Variants in TNR observed in about 807,000 individuals in gnomAD.
TNR encodes tenascin R, also known as tenascin-R.
A neutral mutation model predicts 150.4 loss-of-function variants in TNR; 45 were observed. The observed-to-expected ratio is 0.30, with a 90% CI of 0.24 to 0.38. The LOEUF (loss-of-function observed/expected upper bound fraction) is 0.38, where lower values mean the gene tolerates loss of function less well. TNR is among the 10% of genes least tolerant of loss of function. TNR has a pLI of 1.00. For synonymous variants in TNR, 687 were observed against 678.4 expected (o/e 1.01, Z -0.20); for missense variants, 1,544 against 1,759.1 (o/e 0.88, Z 2.19).
At chr1:175,531,092 T>C (rs57184783) in intron 1 of TNR, among the ~76,000 whole-genome samples, 7 of 152,346 alleles carry the variant, frequency 4.6e-5, no homozygotes, top group African/African-American at 1.7e-4. Context: ...GTGGGGTTTC[T>C]GTATTCCAGT....
chr1:175,684,438 G>A (rs945105900), intron 1 of TNR, among the ~76,000 whole-genome samples: 91 of 152,216 alleles, frequency 6.0e-4, no homozygotes, highest in African/African-American at 2.1e-3. Context: ...GCATCAATTA[G>A]GACTATAAAA....
At chr1:175,392,640 T>C (rs961432541) in intron 6 of TNR, among the ~76,000 whole-genome samples, 2 of 152,220 alleles carry the variant, frequency 1.3e-5, no homozygotes, top group Non-Finnish European at 2.9e-5. Flanking sequence ...CACATTTGTA[T>C]AGATGTCTGT....
intron 1 of TNR, among the ~76,000 whole-genome samples, chr1:175,542,680 G>A (rs557977410): frequency 6.6e-6 from 1 of 152,162 alleles, no homozygotes; most frequent in Non-Finnish European, 1.5e-5. Flanking sequence ...TGCTTTTGAT[G>A]AGACAACTTA....
chr1:175,641,297 GAGA>G (rs1664650125), intron 1 of TNR, among the ~76,000 whole-genome samples: 1 of 152,104 alleles, frequency 6.6e-6, no homozygotes, highest in African/African-American at 2.4e-5. Context: ...CAGGGTTGGA[GAGA>G]AGGAGGGGAA....
intron 2 of TNR, among the ~76,000 whole-genome samples, chr1:175,460,090 G>C (rs1347355595): frequency 2.0e-5 from 3 of 152,194 alleles, no homozygotes; most frequent in African/African-American, 7.2e-5. Context: ...AACATTTGCT[G>C]TCATGTCAGA....
chr1:175,399,714 C>G (rs1487216866), intron 4 of TNR, among the ~76,000 whole-genome samples: 1 of 152,166 alleles, frequency 6.6e-6, no homozygotes, highest in East Asian at 1.9e-4. Flanking sequence ...CTTAGCCTTA[C>G]TTTCTTTGGG....
chr1:175,695,935 T>C (rs932236693), intron 1 of TNR, among the ~76,000 whole-genome samples: 2 of 152,090 alleles, frequency 1.3e-5, no homozygotes, highest in African/African-American at 4.8e-5. Flanking sequence ...GAATACATAA[T>C]TGTTGGATGG....
At chr1:175,456,964 G>A (rs2102100153) in intron 2 of TNR, among the ~76,000 whole-genome samples, 1 of 152,240 alleles carries the variant, frequency 6.6e-6, no homozygotes, top group East Asian at 1.9e-4. Flanking sequence ...GCTGTGGGGG[G>A]CATTTCAATC....
At chr1:175,739,351 C>T (rs1217172207) in intron 1 of TNR, among the ~76,000 whole-genome samples, 1 of 152,132 alleles carries the variant, frequency 6.6e-6, no homozygotes, top group Non-Finnish European at 1.5e-5. Flanking sequence ...GTGGAAGACC[C>T]TATGTACAAA....
intron 4 of TNR, among the ~76,000 whole-genome samples, chr1:175,402,078 C>A (rs1016422839): frequency 2.0e-5 from 3 of 151,834 alleles, no homozygotes. Context: ...GAGGCCGAGG[C>A]GGGCGGATCA....
At chr1:175,590,050 C>A (rs1454145114) in intron 1 of TNR, among the ~76,000 whole-genome samples, 1 of 152,098 alleles carries the variant, frequency 6.6e-6, no homozygotes, top group Non-Finnish European at 1.5e-5. Flanking sequence ...TTGCCTCAGA[C>A]CCTAGTATGA....
rs1319049587 is a variant in TNR, at chr1:175,317,174, A to G, written c.*6183T>C. On this transcript the variant is annotated 3_prime_UTR_variant, in exon 23 of 23. Coordinates refer to ENST00000367674, the MANE Select transcript of TNR (RefSeq NM_003285.3). ...ATATATGTAAAGCCCTTTGCACAGT[A>G]TCTGGTAAATAGTGGGTATGCAATA... The G allele has an allele frequency of 6.6e-6, 1 of 152,236 alleles. No individual in the cohort carries two copies. The highest frequency in any genetic ancestry group is 1.5e-5 in the Non-Finnish European group (1 of 68,042). The allele number at this position is 152,236 out of a possible 1,614,324, so 9.4% of individuals were successfully genotyped here. A position where few individuals can be genotyped will look rare whatever the true frequency, so the allele number is the denominator to read the frequency against.
chr1:175,706,004 GACA>G (rs1308717772), intron 1 of TNR, among the ~76,000 whole-genome samples: 3 of 152,162 alleles, frequency 2.0e-5, no homozygotes, highest in African/African-American at 7.2e-5. Context: ...AGCCAGAGAA[GACA>G]ACAAGGGGAA....
intron 2 of TNR, among the ~76,000 whole-genome samples, chr1:175,446,295 T>C (rs1204280668): frequency 6.6e-6 from 1 of 152,226 alleles, no homozygotes; most frequent in Non-Finnish European, 1.5e-5. Context: ...GGCTCTGACC[T>C]GGCTCTGTAC....
At chr1:175,707,678 A>C (rs1288020872) in intron 1 of TNR, among the ~76,000 whole-genome samples, 2 of 152,168 alleles carry the variant, frequency 1.3e-5, no homozygotes, top group Non-Finnish European at 2.9e-5. Context: ...TTAAAACCCA[A>C]CTTGTTCAAA....
chr1:175,670,870 A>C (rs1665677854), intron 1 of TNR, among the ~76,000 whole-genome samples: 1 of 152,192 alleles, frequency 6.6e-6, no homozygotes, highest in South Asian at 2.1e-4. Flanking sequence ...ATCCATGGGG[A>C]GCCAGTGACA....
At chr1:175,334,135 G>A (rs10798385) in intron 20 of TNR, among the ~76,000 whole-genome samples, 72,479 of 152,042 alleles carry the variant, frequency 0.48, 19,522 homozygotes, top group East Asian at 0.77. Flanking sequence ...TATTTGGGGT[G>A]TGAGGAAGAT....
chr1:175,627,806 T>C (rs899464738), intron 1 of TNR, among the ~76,000 whole-genome samples: 5 of 152,200 alleles, frequency 3.3e-5, no homozygotes, highest in African/African-American at 9.7e-5. Flanking sequence ...AACACAACTT[T>C]TCCTATTGGA....
intron 9 of TNR, among the ~76,000 whole-genome samples, chr1:175,376,471 TAC>T (rs1652384070): frequency 6.7e-6 from 1 of 149,772 alleles, no homozygotes; most frequent in Non-Finnish European, 1.5e-5. Flanking sequence ...CAAGCCTGGG[TAC>T]AGAGTTGAAA....
Sources: allele counts gnomAD v4.1 joint callset (sites outside exome capture counted in the v4.1 genomes callset), GRCh38; gene constraint gnomAD v4.1.1; transcripts MANE v1.5; gene names NCBI Gene and HGNC (gene_info 2026-07-23, HGNC 2026-07-21).